Variants in PLPP4 observed in about 807,000 individuals in gnomAD.
The protein encoded by PLPP4 is phospholipid phosphatase 4.
PLPP4 carries 20 observed loss-of-function variants against 32.2 expected under a neutral mutation model. That is an observed-to-expected ratio of 0.62 (90% CI 0.44 to 0.90). PLPP4 has a LOEUF of 0.90. Ranked by LOEUF, PLPP4 falls within the 40% of genes least tolerant of loss-of-function variation. The pLI is 0.00. For synonymous variants in PLPP4, 127 were observed against 133.0 expected (o/e 0.95, Z 0.31); for missense variants, 257 against 353.1 (o/e 0.73, Z 2.18).
At chr10:120,480,078 T>C (rs920002083) in intron 1 of PLPP4, among the ~76,000 whole-genome samples, 15 of 152,214 alleles carry the variant, frequency 9.9e-5, no homozygotes, top group African/African-American at 3.6e-4. Context: ...TATTTAGGTT[T>C]AGCCTGAGTG....
intron 1 of PLPP4, among the ~76,000 whole-genome samples, chr10:120,492,654 G>A (rs1284308687): frequency 6.6e-6 from 1 of 152,196 alleles, no homozygotes; most frequent in African/African-American, 2.4e-5. Context: ...TGAGTAAGAG[G>A]CAAAGGCAGG....
rs5788426 is a variant in PLPP4, at chr10:120,513,764, CTT to C, written c.166-138_166-137del. ...TCTCTAAACACAGACATACATCATCCTTTTTTTTTTGTTTGTTTGAGGTCAGG... is the reference window on the plus strand; with the variant it reads ...TCTCTAAACACAGACATACATCATCCTTTTTTTTGTTTGTTTGAGGTCAGG... On this transcript the variant is annotated intron_variant, in intron 2 of 6. Coordinates refer to ENST00000398250, the MANE Select transcript of PLPP4 (RefSeq NM_001030059.3). The C allele has an allele frequency of 4.4e-4, 284 of 648,610 alleles. 3 individuals are homozygous for C. The highest frequency in any genetic ancestry group is 9.3e-4 in the Admixed American group (32 of 34,584). 40.2% of individuals were successfully genotyped at this position (648,610 alleles called of 1,614,324 possible).
intron 3 of PLPP4, among the ~76,000 whole-genome samples, chr10:120,517,283 A>G (rs894293347): frequency 3.3e-5 from 5 of 152,204 alleles, no homozygotes; most frequent in African/African-American, 1.2e-4. Flanking sequence ...AAAAGACCAC[A>G]GTAATTTTGC....
At chr10:120,460,164 G>A (rs747882227) in intron 1 of PLPP4, among the ~76,000 whole-genome samples, 1 of 152,156 alleles carries the variant, frequency 6.6e-6, no homozygotes, top group Admixed American at 6.5e-5. Context: ...TTGGTTACAG[G>A]AACCCAGTGT....
chr10:120,565,517 T>A (rs1294161279), intron 5 of PLPP4, among the ~76,000 whole-genome samples: 5 of 152,192 alleles, frequency 3.3e-5, no homozygotes, highest in Non-Finnish European at 7.3e-5. Context: ...ATTTTTTGGA[T>A]CTTTTGAAGT....
chr10:120,546,189 C>T (rs1170785211), intron 5 of PLPP4, among the ~76,000 whole-genome samples: 2 of 152,092 alleles, frequency 1.3e-5, no homozygotes, highest in Non-Finnish European at 1.5e-5. Flanking sequence ...ACCTTGGGTT[C>T]GTGTGAGTCA....
chr10:120,473,910 A>C (rs1481524771), intron 1 of PLPP4, among the ~76,000 whole-genome samples: 1 of 152,184 alleles, frequency 6.6e-6, no homozygotes, highest in Non-Finnish European at 1.5e-5. Flanking sequence ...TCTTTTCTTT[A>C]TAAATTACCC....
At chr10:120,476,306 TTTG>T (rs1051448653) in intron 1 of PLPP4, among the ~76,000 whole-genome samples, 3 of 152,352 alleles carry the variant, frequency 2.0e-5, no homozygotes, top group South Asian at 4.1e-4. Context: ...TTCTCTTTTT[TTTG>T]TTGTTGTTGT....
At chr10:120,490,538 C>T (rs1000751369) in intron 1 of PLPP4, among the ~76,000 whole-genome samples, 5 of 152,230 alleles carry the variant, frequency 3.3e-5, no homozygotes, top group African/African-American at 1.2e-4. Flanking sequence ...ATGTTTGCAG[C>T]CCTGTCCTGG....
intron 1 of PLPP4, among the ~76,000 whole-genome samples, chr10:120,484,782 C>G (rs186076274): frequency 6.6e-6 from 1 of 152,116 alleles, no homozygotes; most frequent in Non-Finnish European, 1.5e-5. Flanking sequence ...AGCCTGTGAA[C>G]GTATAACCTT....
At chr10:120,538,030 C>G (rs1327042778) in intron 5 of PLPP4, among the ~76,000 whole-genome samples, 1,988 of 57,938 alleles carry the variant, frequency 0.034, 530 homozygotes, top group Non-Finnish European at 0.058. Flanking sequence ...CTCTCTCTCT[C>G]TCTCTCTCTC....
At chr10:120,572,973 G>A (rs1400622058) in intron 5 of PLPP4, among the ~76,000 whole-genome samples, 1 of 151,802 alleles carries the variant, frequency 6.6e-6, no homozygotes, top group African/African-American at 2.4e-5. Flanking sequence ...ATATCTATTG[G>A]CACGGCTCTG....
At chr10:120,479,187 G>C (rs957673355) in intron 1 of PLPP4, among the ~76,000 whole-genome samples, 3 of 152,062 alleles carry the variant, frequency 2.0e-5, no homozygotes, top group Non-Finnish European at 4.4e-5. Flanking sequence ...GACTGTGCCA[G>C]TGCACTCCAG....
chr10:120,520,905 G>A (rs1846123352), intron 4 of PLPP4, 66 bp from the exon 5 acceptor site: 2 of 1,591,906 alleles, frequency 1.3e-6, no homozygotes, highest in Admixed American at 1.7e-5. Context: ...GAGTTGGGGG[G>A]GTCAGCTTGG....
At chr10:120,457,766 C>T (rs1847857262) in intron 1 of PLPP4, among the ~76,000 whole-genome samples, 2 of 152,192 alleles carry the variant, frequency 1.3e-5, no homozygotes, top group Non-Finnish European at 2.9e-5. Context: ...GGCCCCGTCT[C>T]CGATTCCTCC....
intron 1 of PLPP4, among the ~76,000 whole-genome samples, chr10:120,482,604 T>C (rs538580786): frequency 6.6e-6 from 1 of 152,068 alleles, no homozygotes; most frequent in South Asian, 2.1e-4. Context: ...GACAATGCAA[T>C]TGAAAAGAAA....
chr10:120,507,575 G>A (rs754445014), intron 2 of PLPP4, among the ~76,000 whole-genome samples: 2 of 152,206 alleles, frequency 1.3e-5, no homozygotes, highest in Non-Finnish European at 1.5e-5. Context: ...AACTGTCAGT[G>A]GCTGAACCAG....
chr10:120,496,912 A>AGTGTGT (rs3066553), intron 1 of PLPP4, among the ~76,000 whole-genome samples: 20 of 149,422 alleles, frequency 1.3e-4, no homozygotes, highest in African/African-American at 3.4e-4. Context: ...AGAATGTGTG[A>AGTGTGT]GTGTGTGTGT....
At chr10:120,520,587 A>G (rs1846107833) in intron 4 of PLPP4, among the ~76,000 whole-genome samples, 1 of 152,198 alleles carries the variant, frequency 6.6e-6, no homozygotes, top group Non-Finnish European at 1.5e-5. Context: ...CACACCTGTC[A>G]AACAAGGAAC....
Sources: gnomAD v4.1 joint callset for allele counts (sites outside exome capture counted in the v4.1 genomes callset) on GRCh38, gnomAD v4.1.1 for gene constraint, MANE v1.5 for transcripts, NCBI Gene and HGNC (gene_info 2026-07-23, HGNC 2026-07-21) for gene names.